The following COL10A1 variants were observed in gnomAD, a reference collection of about 807,000 sequenced individuals.
COL10A1 encodes collagen alpha-1(X) chain.
In COL10A1, 10 loss-of-function variants were observed where a neutral mutation model predicts 18.2. That is an observed-to-expected ratio of 0.55 (90% CI 0.34 to 0.93). COL10A1 has a LOEUF of 0.93. Ranked by LOEUF, COL10A1 falls within the 40% of genes least tolerant of loss-of-function variation. The pLI, the probability that COL10A1 is intolerant of heterozygous loss-of-function variation, is 0.02. For synonymous variants in COL10A1, 330 were observed against 316.6 expected (o/e 1.04, Z -0.45); for missense variants, 897 against 853.5 (o/e 1.05, Z -0.64).
At chr6:116,165,313 T>C in the COL10A1 span, among the ~76,000 whole-genome samples, 1 of 152,196 alleles carries the variant, frequency 6.6e-6, no homozygotes, top group Admixed American at 6.5e-5. Context: ...CTATATACCT[T>C]GGTGATGTTC....
chr6:116,198,198 A>G, the COL10A1 span, among the ~76,000 whole-genome samples: 3 of 152,116 alleles, frequency 2.0e-5, no homozygotes, highest in African/African-American at 7.2e-5. Context: ...GTAGTGAACA[A>G]CAGTTTCTGG....
chr6:116,190,247 T>A, the COL10A1 span, among the ~76,000 whole-genome samples: 4 of 152,032 alleles, frequency 2.6e-5, no homozygotes, highest in Admixed American at 6.6e-5. Context: ...CAAAACAGTA[T>A]TTTTTAAATT....
chr6:116,189,177 C>T, the COL10A1 span, among the ~76,000 whole-genome samples: 1 of 151,360 alleles, frequency 6.6e-6, no homozygotes, highest in East Asian at 1.9e-4. Flanking sequence ...TTTAGTTGAC[C>T]ACTCTTGAGA....
the COL10A1 span, among the ~76,000 whole-genome samples, chr6:116,178,398 TAGAA>T: frequency 3.3e-5 from 5 of 152,198 alleles, no homozygotes; most frequent in Non-Finnish European, 5.9e-5. Context: ...ATAAAGGCGA[TAGAA>T]AGAATCTGTA....
At chr6:116,122,622 C>T (rs1282727004) in intron 2 of COL10A1, among the ~76,000 whole-genome samples, 2 of 152,148 alleles carry the variant, frequency 1.3e-5, no homozygotes, top group Non-Finnish European at 2.9e-5. Flanking sequence ...GCTGTGAGTT[C>T]ACTTGACCTG....
chr6:116,157,025 G>A lies in COL10A1; in HGVS notation c.-16+1589C>T, dbSNP rs114624128. 2.1e-3 allele frequency among the ~76,000 whole-genome samples: 323 copies of A among 152,210 alleles called. 1 individual carries two copies. The highest frequency in any genetic ancestry group is 7.3e-3 in the African/African-American group (305 of 41,518). ...TATTTTTTTCTCTTTGCCTAAGTGC[G>A]TTCACTTCATAGCACTGCCTCCCTT... is the stretch of plus-strand genomic sequence containing the variant. On this transcript the variant is annotated intron_variant, in intron 1 of 1. Coordinates refer to the COL10A1 transcript ENST00000418500.
chr6:116,131,070 A>C (rs1269652668), upstream of COL10A1, among the ~76,000 whole-genome samples: 1 of 152,070 alleles, frequency 6.6e-6, no homozygotes, highest in African/African-American at 2.4e-5. Flanking sequence ...AATTTGTTTT[A>C]TACTTTCATA....
At chr6:116,175,004 A>G in the COL10A1 span, among the ~76,000 whole-genome samples, 2 of 152,192 alleles carry the variant, frequency 1.3e-5, no homozygotes, top group African/African-American at 4.8e-5. Context: ...TTAGTAAGGG[A>G]TATAGAATAT....
At chr6:116,125,701 C>CTAT in intron 1 of COL10A1, 194 bp from the exon 2 acceptor site, 1 of 456,362 alleles carries the variant, frequency 2.2e-6, no homozygotes, top group Non-Finnish European at 3.9e-6. Context: ...TTTTTGGAAG[C>CTAT]TATACTCAGG....
the COL10A1 span, among the ~76,000 whole-genome samples, chr6:116,177,038 T>C: frequency 6.6e-6 from 1 of 152,224 alleles, no homozygotes; most frequent in Non-Finnish European, 1.5e-5. Context: ...TCCAGAGAAC[T>C]ACAACTAAAA....
upstream of COL10A1, among the ~76,000 whole-genome samples, chr6:116,160,470 G>T (rs1028497707): frequency 1.3e-5 from 2 of 151,458 alleles, no homozygotes; most frequent in South Asian, 2.1e-4. Flanking sequence ...AATTTTTGTG[G>T]TTTTTTTTCT....
the COL10A1 span, among the ~76,000 whole-genome samples, chr6:116,177,749 T>G: frequency 6.6e-6 from 1 of 152,148 alleles, no homozygotes; most frequent in African/African-American, 2.4e-5. Context: ...AATAATATTC[T>G]AAAATGTTTT....
At chr6:116,187,909 G>A in the COL10A1 span, among the ~76,000 whole-genome samples, 2 of 151,840 alleles carry the variant, frequency 1.3e-5, no homozygotes, top group Admixed American at 6.6e-5. Context: ...TACTAAGAAC[G>A]AAAGGGCAAG....
intron 1 of COL10A1, among the ~76,000 whole-genome samples, chr6:116,156,355 C>T (rs9488853): frequency 0.5 from 76,426 of 151,448 alleles, 20,203 homozygotes; most frequent in African/African-American, 0.67. Flanking sequence ...AGTTGTGTTT[C>T]GTTTATTAGT....
chr6:116,140,353 G>T (rs1432731248), intron 1 of COL10A1, among the ~76,000 whole-genome samples: 1 of 151,976 alleles, frequency 6.6e-6, no homozygotes, highest in African/African-American at 2.4e-5. Context: ...GCTCTTCTGG[G>T]CACATCACAC....
chr6:116,188,706 C>CTTT, the COL10A1 span, among the ~76,000 whole-genome samples: 1 of 146,250 alleles, frequency 6.8e-6, no homozygotes, highest in African/African-American at 2.5e-5. Flanking sequence ...AAATTTTCTA[C>CTTT]TTTTTTTTTT....
chr6:116,121,207 C>A lies in COL10A1; in HGVS notation c.909G>T (p.Leu303Phe), dbSNP rs748899727. The A allele has an allele frequency of 1.9e-5, 31 of 1,613,520 alleles. No individual in the cohort carries two copies. Among genetic ancestry groups the A allele is most frequent in the Non-Finnish European group, 2.6e-5 (31 of 1,179,854 alleles). The change falls in exon 3 of 3, where the codon TTG (leucine) becomes TTT (phenylalanine). Residue 303 changes from leucine (L) to phenylalanine (F), a missense_variant. Transcript: ENST00000651968. ...GTCCTCTTTCTCCCTTCAGGCCTGG[C>A]AAGCCTGGTTTCCCAAAGCCAGGAG... ...PGPPGFGKPG[L>F]PGLKGERGPA...
Position 116,154,327 on chromosome 6 carries a change from G to A in COL10A1, c.-16+4287C>T, listed in dbSNP as rs142389891. Among the ~76,000 whole-genome samples, 718 of 152,200 alleles carry A rather than the reference G, an allele frequency of 4.7e-3. 6 individuals carry two copies. In the Middle Eastern group the frequency reaches 0.054, roughly 12 times the overall value. ...TAAAAGATGTTGTCACTGAGGCCGG[G>A]ATTTCTTTCTGTTCCTGTATCCTAA... On this transcript the variant is annotated intron_variant, in intron 1 of 1. Coordinates refer to the COL10A1 transcript ENST00000418500.
the COL10A1 span, among the ~76,000 whole-genome samples, chr6:116,185,405 A>T: frequency 1.8e-4 from 27 of 151,982 alleles, no homozygotes; most frequent in Admixed American, 1.8e-3. Context: ...GTTTAAGTCC[A>T]TTGTTTCTTT....
Sources: gnomAD v4.1 joint callset for allele counts (sites outside exome capture counted in the v4.1 genomes callset) on GRCh38, gnomAD v4.1.1 for gene constraint, MANE v1.5 for transcripts, NCBI Gene and HGNC (gene_info 2026-07-23, HGNC 2026-07-21) for gene names.